The following NUDCD3 variants were observed in gnomAD, a reference collection of about 807,000 sequenced individuals.
NUDCD3 encodes NudC domain containing 3.
In NUDCD3, 13 loss-of-function variants were observed where a neutral mutation model predicts 39.7. The observed-to-expected ratio is 0.33, with a 90% CI of 0.21 to 0.52. The LOEUF (loss-of-function observed/expected upper bound fraction) is 0.52. Among genes scored for constraint, NUDCD3 ranks in the 20% least tolerant of loss-of-function variants. The pLI is 0.96. For missense variants in NUDCD3, 453 were observed against 458.1 expected (o/e 0.99, Z 0.10); for synonymous variants, 175 against 172.4 (o/e 1.02, Z -0.12).
chr7:44,393,240 T>G (rs1798553253), intron 4 of NUDCD3, among the ~76,000 whole-genome samples: 1 of 152,160 alleles, frequency 6.6e-6, no homozygotes, highest in African/African-American at 2.4e-5. Flanking sequence ...TCTGTGGGGA[T>G]GGCACAGACA....
At chr7:44,454,885 G>T (rs1799863659) in intron 2 of NUDCD3, among the ~76,000 whole-genome samples, 1 of 151,828 alleles carries the variant, frequency 6.6e-6, no homozygotes, top group Non-Finnish European at 1.5e-5. Context: ...AGTGAGCCAA[G>T]ATCATGCCAT....
intron 4 of NUDCD3, among the ~76,000 whole-genome samples, chr7:44,396,953 G>T (rs183498891): frequency 3.8e-4 from 44 of 114,608 alleles, no homozygotes; most frequent in Non-Finnish European, 8.9e-4. Flanking sequence ...ATTTGTTTTT[G>T]TTTTTTTCTG....
chr7:44,448,507 T>C (rs752853645), intron 2 of NUDCD3, among the ~76,000 whole-genome samples: 3 of 152,234 alleles, frequency 2.0e-5, no homozygotes, highest in Non-Finnish European at 2.9e-5. Context: ...TCAATGTTGC[T>C]GGCACTGACA....
At chr7:44,445,522 C>T (rs897297740) in intron 2 of NUDCD3, among the ~76,000 whole-genome samples, 2 of 152,210 alleles carry the variant, frequency 1.3e-5, no homozygotes, top group Non-Finnish European at 2.9e-5. Flanking sequence ...AACTGCTGAC[C>T]TCCAATGTCA....
chr7:44,474,811 C>T (rs1278005332), intron 2 of NUDCD3, among the ~76,000 whole-genome samples: 2 of 152,198 alleles, frequency 1.3e-5, no homozygotes, highest in African/African-American at 2.4e-5. Flanking sequence ...TAAGTCAAAT[C>T]GCTTGGAGGC....
chr7:44,418,741 G>A (rs911260080), intron 3 of NUDCD3, among the ~76,000 whole-genome samples: 2 of 152,222 alleles, frequency 1.3e-5, no homozygotes, highest in African/African-American at 4.8e-5. Flanking sequence ...CATCTCATTG[G>A]GACTAGTTAG....
At chr7:44,449,755 A>G (rs768291443) in intron 2 of NUDCD3, among the ~76,000 whole-genome samples, 8 of 152,132 alleles carry the variant, frequency 5.3e-5, no homozygotes, top group Non-Finnish European at 1.2e-4. Context: ...TATAAAACCT[A>G]AAACTATATA....
chr7:44,417,463 A>G (rs1028207722), intron 3 of NUDCD3, among the ~76,000 whole-genome samples: 14 of 152,222 alleles, frequency 9.2e-5, no homozygotes, highest in Admixed American at 3.9e-4. Flanking sequence ...GAGTCAAAAA[A>G]AGAGAAAATA....
intron 2 of NUDCD3, among the ~76,000 whole-genome samples, chr7:44,484,052 C>T (rs17655389): frequency 1.3e-5 from 2 of 152,046 alleles, no homozygotes; most frequent in Admixed American, 6.6e-5. Context: ...CCCCAAAACA[C>T]GTCAGAAAGA....
intron 2 of NUDCD3, among the ~76,000 whole-genome samples, chr7:44,459,216 T>C (rs1329009634): frequency 6.6e-6 from 1 of 151,702 alleles, no homozygotes. Context: ...TTTTTTTTTT[T>C]TGAGACAGGG....
At chr7:44,438,978 C>T (rs150699120) in intron 2 of NUDCD3, among the ~76,000 whole-genome samples, 3 of 152,308 alleles carry the variant, frequency 2.0e-5, no homozygotes, top group Non-Finnish European at 2.9e-5. Context: ...GTTCTTGCTA[C>T]ACCTCGGTGA....
intron 2 of NUDCD3, among the ~76,000 whole-genome samples, chr7:44,457,793 C>T (rs1042595456): frequency 5.9e-5 from 9 of 152,224 alleles, no homozygotes; most frequent in South Asian, 4.1e-4. Flanking sequence ...ACAATGAGAT[C>T]CCACTTCATG....
At chr7:44,446,459 G>T (rs1260263779) in intron 2 of NUDCD3, among the ~76,000 whole-genome samples, 2 of 152,250 alleles carry the variant, frequency 1.3e-5, no homozygotes, top group African/African-American at 4.8e-5. Flanking sequence ...AATGAAGACA[G>T]GCTGGAGAAA....
chr7:44,385,790 G>A lies in NUDCD3; in HGVS notation c.*221C>T. On this transcript the variant is annotated 3_prime_UTR_variant, in exon 6 of 6. Transcript: ENST00000355451. ...CCTGCATTTCAAACACCTTCACTCAGTGTCAGCCACAGCGGCCACCACATA... is the reference window on the plus strand; with the variant it reads ...CCTGCATTTCAAACACCTTCACTCAATGTCAGCCACAGCGGCCACCACATA... The A allele has an allele frequency of 1.8e-6, 1 of 556,586 alleles. No individual in the cohort carries two copies. The highest frequency in any genetic ancestry group is 3.2e-6 in the Non-Finnish European group (1 of 313,018). The allele number at this position is 556,586 out of a possible 1,614,324, so 34.5% of individuals were successfully genotyped here.
chr7:44,490,451 G>A lies in NUDCD3; in HGVS notation c.150C>T (p.Arg50=). The A allele has an allele frequency of 1.3e-6, 2 of 1,598,386 alleles. No homozygotes were observed. Among genetic ancestry groups the A allele is most frequent in the Non-Finnish European group, 1.7e-6 (2 of 1,173,038 alleles). Residue 50 remains arginine, a synonymous_variant, in exon 1 of 6, where the codon CGC becomes CGT. Transcript: ENST00000355451. ...FYRLLRHPSD[R]MGFPPGAAQA... ...GCGCGGCCCCGGGCGGGAAGCCCAT[G>A]CGGTCCGATGGGTGGCGCAGCAAGC...
At chr7:44,421,567 C>A (rs1799141430) in intron 3 of NUDCD3, among the ~76,000 whole-genome samples, 1 of 147,036 alleles carries the variant, frequency 6.8e-6, no homozygotes, top group Non-Finnish European at 1.5e-5. Flanking sequence ...TCAAAAAAGA[C>A]AAAGAAGGGC....
At chr7:44,451,907 C>T (rs1773091425) in intron 2 of NUDCD3, among the ~76,000 whole-genome samples, 1 of 152,022 alleles carries the variant, frequency 6.6e-6, no homozygotes, top group Non-Finnish European at 1.5e-5. Context: ...ACAAAGTATT[C>T]ACTATGTTGG....
intron 4 of NUDCD3, among the ~76,000 whole-genome samples, chr7:44,403,966 G>A (rs1237915143): frequency 6.6e-6 from 1 of 152,154 alleles, no homozygotes; most frequent in African/African-American, 2.4e-5. Context: ...TCTGGCCCAG[G>A]CGTGCAGCCC....
chr7:44,420,689 A>G (rs1268661238), intron 3 of NUDCD3, among the ~76,000 whole-genome samples: 1 of 152,254 alleles, frequency 6.6e-6, no homozygotes, highest in Non-Finnish European at 1.5e-5. Context: ...AGTGAAGGCC[A>G]ATATTCAATA....
Sources: allele counts gnomAD v4.1 joint callset (sites outside exome capture counted in the v4.1 genomes callset), GRCh38; gene constraint gnomAD v4.1.1; transcripts MANE v1.5; gene names NCBI Gene and HGNC (gene_info 2026-07-23, HGNC 2026-07-21).